The following KIRREL3 variants were observed in gnomAD, a reference collection of about 807,000 sequenced individuals.
The protein encoded by KIRREL3 is kirre like nephrin family adhesion molecule 3, also known as kin of IRRE-like protein 3.
In KIRREL3, 36 loss-of-function variants were observed where a neutral mutation model predicts 89.7. The observed-to-expected ratio is 0.40, with a 90% CI of 0.31 to 0.53. The LOEUF is 0.53. Ranked by LOEUF, KIRREL3 falls within the 20% of genes least tolerant of loss-of-function variation. The pLI, the probability that KIRREL3 is intolerant of heterozygous loss-of-function variation, is 0.49. For missense variants in KIRREL3, 864 were observed against 1,056.6 expected (o/e 0.82, Z 2.53); for synonymous variants, 445 against 441.4 (o/e 1.01, Z -0.10).
chr11:126,560,590 A>G (rs142760179), intron 2 of KIRREL3, among the ~76,000 whole-genome samples: 26 of 152,314 alleles, frequency 1.7e-4, no homozygotes, highest in African/African-American at 6.0e-4. Context: ...GGAGGAGTGG[A>G]GAGAGAAGAA....
chr11:126,600,990 A>G (rs1402167050), intron 1 of KIRREL3, among the ~76,000 whole-genome samples: 1 of 152,178 alleles, frequency 6.6e-6, no homozygotes, highest in Admixed American at 6.5e-5. Flanking sequence ...TACCCCAGGA[A>G]GGTCAGCATC....
At chr11:126,779,663 G>A (rs772490670) in intron 1 of KIRREL3, among the ~76,000 whole-genome samples, 2 of 152,112 alleles carry the variant, frequency 1.3e-5, no homozygotes, top group South Asian at 4.1e-4. Flanking sequence ...CACAGTAGGT[G>A]CTTAATAAAT....
chr11:126,529,090 C>T (rs1334216244), intron 2 of KIRREL3, among the ~76,000 whole-genome samples: 2 of 152,094 alleles, frequency 1.3e-5, no homozygotes, highest in African/African-American at 4.8e-5. Flanking sequence ...TCTGAGATGT[C>T]CATTATTAGG....
chr11:126,536,910 G>A, intron 2 of KIRREL3, among the ~76,000 whole-genome samples: 1 of 152,150 alleles, frequency 6.6e-6, no homozygotes, highest in Non-Finnish European at 1.5e-5. Flanking sequence ...CATCCCAAAA[G>A]GTTGGGATTA....
rs4937178 is a variant in KIRREL3, at chr11:126,683,090, C to A, written c.56-120178G>T. On this transcript the variant is annotated intron_variant, in intron 1 of 16. Coordinates refer to ENST00000525144, the MANE Select transcript of KIRREL3 (RefSeq NM_032531.4). The surrounding 1 kb of genome is among the most constrained non-coding windows in gnomAD (Gnocchi z 5.2). ...AGGCTGGTTTTGACCCCCTGAACTC[C>A]AGTGATCTTACCGCCTCAGCCTTCC... Among the ~76,000 whole-genome samples the A allele has an allele frequency of 0.85, 129,159 of 152,076 alleles. 54,948 individuals carry two copies. Among genetic ancestry groups the A allele is most frequent in the East Asian group, 0.99 (5,113 of 5,164 alleles).
chr11:126,701,066 C>G (rs1947295847), intron 1 of KIRREL3, among the ~76,000 whole-genome samples: 1 of 152,232 alleles, frequency 6.6e-6, no homozygotes, highest in South Asian at 2.1e-4. Context: ...TTTGCAGAAA[C>G]CACACTGCAT....
rs1303567310 is a variant in KIRREL3, at chr11:126,734,051, G to A, written c.56-171139C>T. Among the ~76,000 whole-genome samples, 1 of 152,196 alleles carries A rather than the reference G, an allele frequency of 6.6e-6. No homozygotes were observed. Among genetic ancestry groups the A allele is most frequent in the Non-Finnish European group, 1.5e-5 (1 of 68,036 alleles). On this transcript the variant is annotated intron_variant, in intron 1 of 16. Transcript: ENST00000525144. This position sits in a 1 kb window ranked among gnomAD's most constrained non-coding sequence, Gnocchi z 5.9. ...CTCTCAAGGTGTGGGCTGTCAGCAT[G>A]AGGATCACCTGGGAGCCCCACTCCA...
At chr11:126,688,610 G>T (rs1946755519) in intron 1 of KIRREL3, among the ~76,000 whole-genome samples, 1 of 152,206 alleles carries the variant, frequency 6.6e-6, no homozygotes, top group Non-Finnish European at 1.5e-5. Context: ...CCCTGGATTG[G>T]TTGGGCCTTT....
intron 6 of KIRREL3, among the ~76,000 whole-genome samples, chr11:126,461,340 G>A (rs1191264961): frequency 6.6e-6 from 1 of 152,244 alleles, no homozygotes; most frequent in Non-Finnish European, 1.5e-5. Flanking sequence ...GGGAAGAGCC[G>A]AGGGTCGGAG....
In KIRREL3 at chr11:126,639,675, C is replaced by T. The variant is rs12798951; in HGVS notation, c.56-76763G>A. Among the ~76,000 whole-genome samples, 1 of 152,220 alleles carries T rather than the reference C, an allele frequency of 6.6e-6. No homozygotes were observed. Among genetic ancestry groups the T allele is most frequent in the Non-Finnish European group, 1.5e-5 (1 of 68,038 alleles). On this transcript the variant is annotated intron_variant, in intron 1 of 16. Transcript: ENST00000525144. This position sits in a 1 kb window ranked among gnomAD's most constrained non-coding sequence, Gnocchi z 4.3. ...CCTACTTGTACAATTAATATTCTCC[C>T]TGGTGTTGATTTTGTTCAAATATAT...
intron 1 of KIRREL3, among the ~76,000 whole-genome samples, chr11:126,661,594 G>C (rs911832345): frequency 2.6e-5 from 4 of 152,140 alleles, no homozygotes; most frequent in Non-Finnish European, 4.4e-5. Flanking sequence ...CTAATCAAAA[G>C]CAGAGGACAT....
chr11:126,728,737 G>A (rs538923101), intron 1 of KIRREL3, among the ~76,000 whole-genome samples: 7 of 152,188 alleles, frequency 4.6e-5, no homozygotes, highest in East Asian at 1.9e-4. Flanking sequence ...TAAGCGGGAG[G>A]ATTCAGTTCA....
chr11:126,444,976 T>C lies in KIRREL3; in HGVS notation c.1252+3A>G, dbSNP rs1387014836. On this transcript the variant is annotated splice_donor_region_variant and intron_variant, in intron 10 of 16. Transcript: ENST00000525144. Reference sequence around the variant, plus strand: ...GCCTGGCTCACCCCAGCGAGGGTCTTACCATTGACGGTCAGGGTCACCTCT... The same window carrying C: ...GCCTGGCTCACCCCAGCGAGGGTCTCACCATTGACGGTCAGGGTCACCTCT... 2 of 1,613,644 alleles carry C rather than the reference T, an allele frequency of 1.2e-6. No homozygotes were observed.
Position 126,685,586 on chromosome 11 carries a change from C to G in KIRREL3, c.56-122674G>C, listed in dbSNP as rs1250698777. 6.6e-6 allele frequency among the ~76,000 whole-genome samples: 1 copy of G among 152,210 alleles called. No homozygotes were observed. The highest frequency in any genetic ancestry group is 2.4e-5 in the African/African-American group (1 of 41,456). ...TATGACATGTTTTCCTCCTCTCTTT[C>G]CCCTGCCAGGGCAGGCTTGGCACTT... On this transcript the variant is annotated intron_variant, in intron 1 of 16. Transcript: ENST00000525144. The surrounding 1 kb of genome is among the most constrained non-coding windows in gnomAD (Gnocchi z 5.5).
intron 2 of KIRREL3, among the ~76,000 whole-genome samples, chr11:126,560,492 T>C (rs1015051914): frequency 9.2e-5 from 14 of 152,246 alleles, no homozygotes; most frequent in South Asian, 2.1e-4. Flanking sequence ...TAACTTATGA[T>C]AAACCCCAGA....
At chr11:126,863,162 G>A (rs1356933318) in intron 1 of KIRREL3, among the ~76,000 whole-genome samples, 1 of 152,244 alleles carries the variant, frequency 6.6e-6, no homozygotes, top group Non-Finnish European at 1.5e-5. Context: ...AACACAGCAC[G>A]AAGGTGTTTC....
chr11:126,449,251 G>A, intron 7 of KIRREL3, 94 bp from the exon 8 acceptor site: 2 of 1,419,810 alleles, frequency 1.4e-6, no homozygotes, highest in Non-Finnish European at 1.9e-6. Context: ...AATGAGGCCT[G>A]GGTTGTGTGG....
At position 126,640,321 on chromosome 11, in the gene KIRREL3, C is replaced by T. The variant is rs1944418615; in HGVS notation, c.56-77409G>A. On this transcript the variant is annotated intron_variant, in intron 1 of 16. Coordinates refer to ENST00000525144, the MANE Select transcript of KIRREL3 (RefSeq NM_032531.4). This position sits in a 1 kb window ranked among gnomAD's most constrained non-coding sequence, Gnocchi z 4.9. Reference sequence around the variant, plus strand: ...GGTTTGGGAAAGGAGGTTGTCAAGACTAACTGAACACAACACACACACAGA... The same window carrying T: ...GGTTTGGGAAAGGAGGTTGTCAAGATTAACTGAACACAACACACACACAGA... Among the ~76,000 whole-genome samples the T allele has an allele frequency of 6.6e-6, 1 of 152,124 alleles. No homozygotes were observed. Among genetic ancestry groups the T allele is most frequent in the African/African-American group, 2.4e-5 (1 of 41,428 alleles).
At chr11:126,798,503 A>G (rs1023246939) in intron 1 of KIRREL3, among the ~76,000 whole-genome samples, 3 of 152,216 alleles carry the variant, frequency 2.0e-5, no homozygotes, top group African/African-American at 7.2e-5. Context: ...AATAATTATC[A>G]TTAGGAAAAG....
Sources: gnomAD v4.1 joint callset for allele counts (sites outside exome capture counted in the v4.1 genomes callset) on GRCh38, gnomAD v4.1.1 for gene constraint, Gnocchi (gnomAD v3.1) non-coding constraint, MANE v1.5 for transcripts, NCBI Gene and HGNC (gene_info 2026-07-23, HGNC 2026-07-21) for gene names.